The following SP2 variants were observed in gnomAD, a reference collection of about 807,000 sequenced individuals.
SP2 encodes the protein Sp2 transcription factor.
Under a neutral mutation model 50.1 loss-of-function variants are expected in SP2, and 9 were observed. That is an observed-to-expected ratio of 0.18 (90% CI 0.11 to 0.31). The LOEUF (loss-of-function observed/expected upper bound fraction) is 0.31. Ranked by LOEUF, SP2 falls within the 10% of genes least tolerant of loss-of-function variation. The pLI, the probability that SP2 is intolerant of heterozygous loss-of-function variation, is 1.00. For missense variants in SP2, 581 were observed against 806.5 expected, an observed-to-expected ratio of 0.72 and a Z score of 3.39; for synonymous variants, 313 against 326.6, an observed-to-expected ratio of 0.96 and a Z score of 0.45.
At chr17:47,911,884 G>T (rs2035003428) in intron 1 of SP2, among the ~76,000 whole-genome samples, 1 of 151,874 alleles carries the variant, frequency 6.6e-6, no homozygotes, top group Admixed American at 6.6e-5. Context: ...GTGAACCCTG[G>T]TCCTGAGACC....
At chr17:47,896,323 TC>T in intron 1 of SP2, 30 bp downstream of exon 1, 1 of 1,235,084 alleles carries the variant, frequency 8.1e-7, no homozygotes, top group South Asian at 4.1e-5. Context: ...GGCGGGGTCT[TC>T]CCGGCCCCCA....
intron 3 of SP2, chr17:47,917,838 AT>A: frequency 2.4e-6 from 1 of 425,418 alleles, no homozygotes. Context: ...TATTTTTGGC[AT>A]TTATTAATGT....
chr17:47,916,584 G>A lies in SP2; in HGVS notation c.513G>A (p.Pro171=), dbSNP rs150012782. 1.1e-4 allele frequency: 181 copies of A among 1,613,966 alleles called. No individual in the cohort carries two copies. Among genetic ancestry groups the A allele is most frequent in the South Asian group, 2.5e-4 (23 of 91,060 alleles). The part of the protein sequence containing the change: ...GTNQAIITPS[P]SSHKPVPIKP... ...ACCAAGCCATCATCACCCCCTCACC[G>A]TCCAGTCACAAGCCTGTCCCCATCA... The change falls in exon 3 of 7, where the codon CCG becomes CCA. Residue 171 remains proline (P), a synonymous_variant. Coordinates refer to ENST00000376741, the MANE Select transcript of SP2 (RefSeq NM_003110.6). The surrounding 1 kb of genome is among the most constrained non-coding windows in gnomAD (Gnocchi z 4.7).
At chr17:47,922,937 A>AT (rs750913732) in intron 3 of SP2, 25 bp from the exon 4 acceptor site, 9 of 1,589,556 alleles carry the variant, frequency 5.7e-6, no homozygotes, top group Admixed American at 3.4e-5. Context: ...CCAGGCACTG[A>AT]TTTTTTTTCT....
rs1019985721 is a variant in SP2 at position 47,900,731 on chromosome 17, C to T, written c.7+4438C>T. ...GGCGGAGATTGCAGTGAGCCGAGAG[C>T]GCACCACTGCACCCCAGCCTGGGTA... On this transcript the variant is annotated intron_variant, in intron 1 of 6. Transcript: ENST00000376741. 3.9e-5 allele frequency among the ~76,000 whole-genome samples: 6 copies of T among 152,280 alleles called. No individual in the cohort carries two copies. In the South Asian group the frequency reaches 6.2e-4, roughly 16 times the overall value.
chr17:47,901,997 C>T (rs556525251), intron 1 of SP2, among the ~76,000 whole-genome samples: 1 of 152,090 alleles, frequency 6.6e-6, no homozygotes, highest in African/African-American at 2.4e-5. Context: ...ATTTGTTAGA[C>T]AGTGAGAAGT....
chr17:47,927,042 G>C (rs948186461), intron 6 of SP2, among the ~76,000 whole-genome samples: 3 of 152,202 alleles, frequency 2.0e-5, no homozygotes, highest in Non-Finnish European at 4.4e-5. Flanking sequence ...GCAAGGTCAG[G>C]GTGGAGGGGG....
At chr17:47,904,386 A>G (rs2034675126) in intron 1 of SP2, among the ~76,000 whole-genome samples, 1 of 152,130 alleles carries the variant, frequency 6.6e-6, no homozygotes, top group Non-Finnish European at 1.5e-5. Context: ...GAGCAGGTTT[A>G]AGAAAAGCTA....
At chr17:47,917,238 C>CA in intron 3 of SP2, 108 bp downstream of exon 3, 1 of 1,230,722 alleles carries the variant, frequency 8.1e-7, no homozygotes, top group African/African-American at 1.5e-5. Context: ...CCTTGAGAGT[C>CA]AGTATCTTTT....
downstream of SP2, among the ~76,000 whole-genome samples, chr17:47,931,113 G>A (rs541433183): frequency 2.6e-5 from 4 of 152,134 alleles, no homozygotes; most frequent in East Asian, 1.9e-4. Context: ...AGGCCGAGGC[G>A]GGTGAATCAC....
At position 47,904,771 on chromosome 17, in the gene SP2, TTTA is replaced by T. The variant is rs1364973621; in HGVS notation, c.7+8487_7+8489del. ...TTAATTTATTTGTTTATTTAAAATT[TTTA>T]TTATTATTTTTTAAAGACAGGGTCT... is the stretch of plus-strand genomic sequence containing the variant. On this transcript the variant is annotated intron_variant, in intron 1 of 6. Transcript: ENST00000376741. 2.6e-5 allele frequency among the ~76,000 whole-genome samples: 4 copies of T among 152,248 alleles called. No homozygotes were observed. In the East Asian group the frequency reaches 7.7e-4, roughly 29 times the overall value.
intron 6 of SP2, among the ~76,000 whole-genome samples, chr17:47,927,143 C>G (rs576533330): frequency 6.6e-6 from 1 of 152,270 alleles, no homozygotes; most frequent in South Asian, 2.1e-4. Context: ...CAGGAAGACT[C>G]TTAGGTGCAG....
At chr17:47,911,090 G>A (rs552616878) in intron 1 of SP2, among the ~76,000 whole-genome samples, 13 of 152,126 alleles carry the variant, frequency 8.5e-5, no homozygotes, top group African/African-American at 3.1e-4. Flanking sequence ...GCCGGGTGTG[G>A]TGGTGTGCAC....
At chr17:47,902,746 TTTTTG>T (rs1392724422) in intron 1 of SP2, among the ~76,000 whole-genome samples, 16 of 152,058 alleles carry the variant, frequency 1.1e-4, no homozygotes, top group Non-Finnish European at 1.0e-4. Context: ...GCTAGTTAGA[TTTTTG>T]TTTTGTTTTG....
chr17:47,908,191 T>TA (rs1449262421), intron 1 of SP2, among the ~76,000 whole-genome samples: 1 of 152,228 alleles, frequency 6.6e-6, no homozygotes, highest in South Asian at 2.1e-4. Context: ...TTTAACCTCC[T>TA]AACTGAAGAG....
intron 1 of SP2, among the ~76,000 whole-genome samples, chr17:47,906,019 G>C (rs564543503): frequency 6.6e-6 from 1 of 152,214 alleles, no homozygotes; most frequent in Non-Finnish European, 1.5e-5. Flanking sequence ...GCCTTTATAA[G>C]TTTATCACAA....
intron 3 of SP2, among the ~76,000 whole-genome samples, chr17:47,922,419 A>G (rs2035494242): frequency 6.6e-6 from 1 of 152,156 alleles, no homozygotes; most frequent in African/African-American, 2.4e-5. Context: ...TCTCACCAAC[A>G]ATGAGCATAT....
intron 1 of SP2, among the ~76,000 whole-genome samples, chr17:47,906,313 C>T (rs2034760252): frequency 1.3e-5 from 2 of 152,228 alleles, no homozygotes; most frequent in Middle Eastern, 3.4e-3. Flanking sequence ...ATTGGAGATA[C>T]CAGAAGAGAG....
intron 1 of SP2, among the ~76,000 whole-genome samples, chr17:47,912,848 C>T (rs2035046770): frequency 6.6e-6 from 1 of 151,558 alleles, no homozygotes; most frequent in South Asian, 2.1e-4. Context: ...CAATATGTAT[C>T]CTTTTGTTTG....
Sources: allele counts gnomAD v4.1 joint callset (sites outside exome capture counted in the v4.1 genomes callset), GRCh38; gene constraint gnomAD v4.1.1; non-coding constraint Gnocchi (gnomAD v3.1); transcripts MANE v1.5; gene names NCBI Gene and HGNC (gene_info 2026-07-23, HGNC 2026-07-21).